ATP2B2: variants seen among roughly 807,000 people sequenced by gnomAD.
ATP2B2 encodes ATPase plasma membrane Ca2+ transporting 2.
A neutral mutation model predicts 120.0 loss-of-function variants in ATP2B2; 15 were observed. The ratio of observed to expected loss-of-function variants is 0.12; its 90% CI spans 0.08 to 0.19. The LOEUF (loss-of-function observed/expected upper bound fraction) is 0.19, where lower values mean the gene tolerates loss of function less well. ATP2B2 is among the 10% of genes least tolerant of loss of function. The pLI, the probability that ATP2B2 is intolerant of heterozygous loss-of-function variation, is 1.00. For missense variants in ATP2B2, 1,045 were observed against 1,719.8 expected (o/e 0.61, Z 6.94); for synonymous variants, 694 against 700.3 (o/e 0.99, Z 0.14).
intron 1 of ATP2B2, among the ~76,000 whole-genome samples, chr3:10,498,582 C>T (rs11922906): frequency 2.0e-5 from 3 of 152,338 alleles, no homozygotes; most frequent in Admixed American, 6.5e-5. Flanking sequence ...ATCCAGATGA[C>T]GCCCCCATGG....
rs1242580016 is a variant in ATP2B2 at position 10,548,918 on chromosome 3, T to A, written c.-414-14785A>T. On this transcript the variant is annotated intron_variant, in intron 2 of 21. Coordinates refer to the ATP2B2 transcript ENST00000646379. The stretch of plus-strand genomic sequence containing the variant: ...CAGAGGTTTTGTTTTAATCATTACA[T>A]ATGCCAGGAAGATGGAACTAAGAGT... 1.3e-5 allele frequency among the ~76,000 whole-genome samples: 2 copies of A among 152,242 alleles called. 1 individual carries two copies. The highest frequency in any genetic ancestry group is 1.3e-4 in the Admixed American group (2 of 15,288).
At chr3:10,537,248 A>G (rs559156354) in intron 2 of ATP2B2, among the ~76,000 whole-genome samples, 3 of 152,286 alleles carry the variant, frequency 2.0e-5, no homozygotes, top group South Asian at 4.1e-4. Context: ...TCTTTTCTAC[A>G]TCTATACTGA....
chr3:10,457,236 G>T (rs17787095), intron 1 of ATP2B2, among the ~76,000 whole-genome samples: 5 of 151,734 alleles, frequency 3.3e-5, no homozygotes, highest in Admixed American at 6.6e-5. Flanking sequence ...AGGGTGTATG[G>T]GCGTACAAGG....
intron 1 of ATP2B2, among the ~76,000 whole-genome samples, chr3:10,467,521 G>T (rs6771963): frequency 0.33 from 49,951 of 151,890 alleles, 8,827 homozygotes; most frequent in African/African-American, 0.42. Flanking sequence ...GTTGGCACAT[G>T]GCAAAAGCTA....
intron 12 of ATP2B2, among the ~76,000 whole-genome samples, chr3:10,369,918 G>A (rs1224232599): frequency 6.6e-6 from 1 of 152,152 alleles, no homozygotes; most frequent in East Asian, 1.9e-4. Flanking sequence ...GAACTTACAA[G>A]AAAGACCCAG....
At position 10,576,588 on chromosome 3, in the gene ATP2B2, C is replaced by T. The variant is rs573465227; in HGVS notation, c.-414-42455G>A. On this transcript the variant is annotated intron_variant, in intron 2 of 21. Coordinates refer to the ATP2B2 transcript ENST00000646379. ...AGAGATGGGGTCTCACTATATTCCCCAGGCTGGTCTTCAACTCCTGGCCTC... is the reference window on the plus strand; with the variant it reads ...AGAGATGGGGTCTCACTATATTCCCTAGGCTGGTCTTCAACTCCTGGCCTC... 2.7e-3 allele frequency among the ~76,000 whole-genome samples: 406 copies of T among 152,128 alleles called. 1 individual carries two copies. Among genetic ancestry groups the T allele is most frequent in the African/African-American group, 9.2e-3 (383 of 41,512 alleles).
Position 10,345,560 on chromosome 3 carries a change from C to T in ATP2B2, c.2527G>A (p.Asp843Asn). 6.2e-7 allele frequency: 1 copy of T among 1,614,194 alleles called. No individual in the cohort carries two copies. The highest frequency in any genetic ancestry group is 8.5e-7 in the Non-Finnish European group (1 of 1,180,010). Residue 843 changes from aspartate to asparagine, a missense_variant, in exon 18 of 23, where the codon GAC (aspartate) becomes AAC (asparagine). Physicochemically the swap from Asp to Asn is conservative, Grantham distance 23 (BLOSUM62 1). Transcript: ENST00000360273. ...ATGTCTGAGGCCTCCTTGGCCACGTCAGTGCCTGCGATGCCCTGTGGGGAC... is the reference window on the plus strand; with the variant it reads ...ATGTCTGAGGCCTCCTTGGCCACGTTAGTGCCTGCGATGCCCTGTGGGGAC... ...VGFAMGIAGT[D>N]VAKEASDIIL...
At position 10,512,464 on chromosome 3, in the gene ATP2B2, G is replaced by GCGCGCGCGCGCA. The variant is rs749056818; in HGVS notation, c.-320+21574_-320+21575insTGCGCGCGCGCG. ...TATTCCTGGGTGCTAAAGTGTGTGC[G>GCGCGCGCGCGCA]CACACACACACACACACACACACAC... On this transcript the variant is annotated intron_variant, in intron 3 of 21. Coordinates refer to the ATP2B2 transcript ENST00000646379. Among the ~76,000 whole-genome samples, 45 of 137,012 alleles carry GCGCGCGCGCGCA rather than the reference G, an allele frequency of 3.3e-4. No homozygotes were observed. In the East Asian group the frequency reaches 5.9e-3, roughly 18 times the overall value. The allele number at this position is 137,012 out of a possible 152,430, so 89.9% of individuals were successfully genotyped here. A position where few individuals can be genotyped will look rare whatever the true frequency, so the allele number is the denominator to read the frequency against.
chr3:10,363,334 T>C (rs2060954294), intron 12 of ATP2B2, among the ~76,000 whole-genome samples: 1 of 152,220 alleles, frequency 6.6e-6, no homozygotes, highest in African/African-American at 2.4e-5. Flanking sequence ...GCTCCAACTC[T>C]GTAAGGGAGT....
chr3:10,698,759 A>C (rs1235994703), intron 1 of ATP2B2, among the ~76,000 whole-genome samples: 2 of 152,234 alleles, frequency 1.3e-5, no homozygotes, highest in Admixed American at 1.3e-4. Context: ...GGAGTTGTGA[A>C]GAAGCCCACA....
intron 1 of ATP2B2, among the ~76,000 whole-genome samples, chr3:10,485,115 G>T (rs2065588635): frequency 6.6e-6 from 1 of 152,216 alleles, no homozygotes; most frequent in South Asian, 2.1e-4. Context: ...AGGGGCAGGG[G>T]ACAAGAGGTG....
rs530635886 is a variant in ATP2B2 at position 10,490,076 on chromosome 3, G to A, written c.-320+15389C>T. On this transcript the variant is annotated intron_variant, in intron 1 of 22. Coordinates refer to ENST00000360273, the MANE Select transcript of ATP2B2 (RefSeq NM_001001331.4). ...CTAGCCTTCCACTTGCCCTCGTGGG[G>A]CCCTCTTGAGGTTGCCCCCTGACAG... Among the ~76,000 whole-genome samples, 31 of 152,332 alleles carry A rather than the reference G, an allele frequency of 2.0e-4. No homozygotes were observed. In the South Asian group the frequency reaches 6.4e-3, roughly 32 times the overall value.
intron 5 of ATP2B2, among the ~76,000 whole-genome samples, chr3:10,397,586 A>G (rs1364690640): frequency 2.0e-5 from 3 of 152,114 alleles, no homozygotes; most frequent in African/African-American, 7.2e-5. Context: ...GAGCAGATGG[A>G]AAAAAGTTAA....
At chr3:10,560,996 T>C (rs2067891866) in intron 2 of ATP2B2, among the ~76,000 whole-genome samples, 1 of 152,130 alleles carries the variant, frequency 6.6e-6, no homozygotes. Context: ...TCCAAGAAAA[T>C]CCTTCCGATC....
Position 10,358,765 on chromosome 3 carries a change from C to T in ATP2B2, c.2062G>A (p.Asp688Asn). The change falls in exon 14 of 23, where the codon GAC becomes AAC. Residue 688 changes from aspartate to asparagine, a missense_variant. Physicochemically the swap from Asp to Asn is conservative, Grantham distance 23. Around this residue, in one of 11 missense-constraint regions of ATP2B2, gnomAD observed 343 missense variants for 536.8 expected, o/e 0.64. Transcript: ENST00000360273. The stretch of plus-strand genomic sequence containing the variant: ...TCGTTGAGGATGTCATTCTCATTGT[C>T]CCAGTCCGGCTCCGGGCTGCTGGGG... ...DFPSSPEPDW[D>N]NENDILNELT... 2 of 1,614,234 alleles carry T rather than the reference C, an allele frequency of 1.2e-6. No individual in the cohort carries two copies. The highest frequency in any genetic ancestry group is 1.7e-6 in the Non-Finnish European group (2 of 1,180,052).
intron 1 of ATP2B2, among the ~76,000 whole-genome samples, chr3:10,459,246 T>C (rs568882326): frequency 2.6e-5 from 4 of 152,374 alleles, no homozygotes; most frequent in Admixed American, 6.5e-5. Context: ...ATGTGTTCCA[T>C]GTTTAGAAAT....
intron 1 of ATP2B2, among the ~76,000 whole-genome samples, chr3:10,633,235 G>T (rs536403183): frequency 6.6e-6 from 1 of 152,132 alleles, no homozygotes; most frequent in African/African-American, 2.4e-5. Flanking sequence ...TCGCTGTGGG[G>T]GTTAAATGAG....
chr3:10,326,504 G>A lies in ATP2B2; in HGVS notation c.*2310C>T. On this transcript the variant is annotated 3_prime_UTR_variant, in exon 23 of 23. Transcript: ENST00000360273. Reference sequence around the variant, plus strand: ...GACACATGACTGATCAAAGAAGTGGGGAGATGGAAAACTGTGAGAAAGGAA... The same window carrying A: ...GACACATGACTGATCAAAGAAGTGGAGAGATGGAAAACTGTGAGAAAGGAA... 1 of 391,770 alleles carries A rather than the reference G, an allele frequency of 2.6e-6. No homozygotes were observed. The allele number at this position is 391,770 out of a possible 1,614,324, so 24.3% of individuals were successfully genotyped here.
intron 5 of ATP2B2, among the ~76,000 whole-genome samples, chr3:10,391,082 A>G (rs2061834927): frequency 6.6e-6 from 1 of 152,196 alleles, no homozygotes; most frequent in Non-Finnish European, 1.5e-5. Context: ...CTGCATTCAT[A>G]GGGCACAGAA....
Sources: gnomAD v4.1 joint callset for allele counts (sites outside exome capture counted in the v4.1 genomes callset) on GRCh38, gnomAD v4.1.1 for gene constraint, gnomAD v4.1.1 regional missense constraint, MANE v1.5 for transcripts, NCBI Gene and HGNC (gene_info 2026-07-23, HGNC 2026-07-21) for gene names.